Variants in C2CD3 observed in about 807,000 individuals in gnomAD.
The protein encoded by C2CD3 is C2 domain containing 3 centriole elongation regulator, also known as C2 domain-containing protein 3.
In C2CD3, 148 loss-of-function variants were observed where a neutral mutation model predicts 234.0. The ratio of observed to expected loss-of-function variants is 0.63; its 90% CI spans 0.55 to 0.72. C2CD3 has a LOEUF of 0.72. Among genes scored for constraint, C2CD3 ranks in the 30% least tolerant of loss-of-function variants. The probability of loss-of-function intolerance (pLI) is 0.00; values close to 1 mark genes in which losing one functional copy is unlikely to be tolerated. For missense variants in C2CD3, 2,577 were observed against 2,811.5 expected, an observed-to-expected ratio of 0.92 and a Z score of 1.89; for synonymous variants, 1,000 against 1,035.4, an observed-to-expected ratio of 0.97 and a Z score of 0.66.
chr11:74,048,166 T>C (rs772439059), intron 28 of C2CD3, 39 bp downstream of exon 28: 4 of 1,603,034 alleles, frequency 2.5e-6, no homozygotes, highest in Non-Finnish European at 3.4e-6. Flanking sequence ...ACTTCCATTT[T>C]TTAACCCCAT....
intron 14 of C2CD3, among the ~76,000 whole-genome samples, chr11:74,101,094 C>A (rs1254784821): frequency 6.6e-6 from 1 of 152,208 alleles, no homozygotes; most frequent in Non-Finnish European, 1.5e-5. Flanking sequence ...CAAAGGGCAG[C>A]CAATTCACTG....
In C2CD3 at chr11:74,093,879, A is replaced by G; in HGVS notation, c.3281T>C (p.Leu1094Pro). The change falls in exon 18 of 33, where the codon CTA becomes CCA. Residue 1094 changes from leucine (L) to proline (P), a missense_variant. Transcript: ENST00000334126. The part of the protein sequence containing the change: ...PAEVPVQRLL[L>P]SAFSAQGLVP... ...GAGGCCCTGTGCAGAGAAAGCACTT[A>G]GTAGGAGCCTTTGCACTGGAACCTC... 1.2e-6 allele frequency: 2 copies of G among 1,614,120 alleles called. No individual in the cohort carries two copies. Among genetic ancestry groups the G allele is most frequent in the Non-Finnish European group, 1.7e-6 (2 of 1,179,974 alleles).
intron 32 of C2CD3, among the ~76,000 whole-genome samples, chr11:74,020,432 C>G (rs991466286): frequency 4.6e-5 from 7 of 152,218 alleles, no homozygotes; most frequent in Admixed American, 3.9e-4. Context: ...CTTAAGCCAC[C>G]CCACATGGCT....
intron 31 of C2CD3, among the ~76,000 whole-genome samples, chr11:74,030,454 A>C (rs1263588375): frequency 6.6e-6 from 1 of 152,156 alleles, no homozygotes; most frequent in Non-Finnish European, 1.5e-5. Context: ...CCAGTGATAC[A>C]TGTCAGCCAC....
Position 74,028,376 on chromosome 11 carries a change from T to A in C2CD3, c.6832A>T (p.Asn2278Tyr), listed in dbSNP as rs1183135503. The change falls in exon 32 of 33, where the codon AAC becomes TAC. Residue 2278 changes from asparagine (N) to tyrosine (Y), a missense_variant. Asn to Tyr is a moderately radical substitution (Grantham distance 143). Transcript: ENST00000334126. Reference sequence around the variant, plus strand: ...AACTGCTGGGGAGGCAAAAAGAAGTTGGGCACCACAATGGGCCCTGGGCTA... The same window carrying A: ...AACTGCTGGGGAGGCAAAAAGAAGTAGGGCACCACAATGGGCCCTGGGCTA... ...LLLPGPIVVP[N>Y]FFLPPQQLEA... 3 of 1,535,970 alleles carry A rather than the reference T, an allele frequency of 2.0e-6. No homozygotes were observed. The South Asian group carries it at 3.6e-5, about 18-fold the overall frequency.
chr11:74,170,264 C>T (rs1857083358), intron 1 of C2CD3, among the ~76,000 whole-genome samples: 1 of 152,042 alleles, frequency 6.6e-6, no homozygotes, highest in Admixed American at 6.5e-5. Flanking sequence ...CATAGTCAGC[C>T]CTTCATACTT....
chr11:74,134,699 C>T (rs977460391), intron 5 of C2CD3, among the ~76,000 whole-genome samples: 6 of 151,922 alleles, frequency 3.9e-5, no homozygotes, highest in Non-Finnish European at 5.9e-5. Context: ...AGAAAAAAAA[C>T]AAGTCAAATA....
chr11:74,154,592 G>C (rs1245967536), intron 3 of C2CD3, among the ~76,000 whole-genome samples: 1 of 152,120 alleles, frequency 6.6e-6, no homozygotes, highest in Admixed American at 6.5e-5. Flanking sequence ...AAAGTATCGG[G>C]GGTTGATACA....
intron 32 of C2CD3, among the ~76,000 whole-genome samples, chr11:74,022,128 A>T (rs975748737): frequency 6.7e-6 from 1 of 148,828 alleles, no homozygotes; most frequent in Non-Finnish European, 1.5e-5. Flanking sequence ...CGTCTCGGGG[A>T]AAAAAAAAAG....
rs759151996 is a variant in C2CD3, at chr11:74,049,546, T to C, written c.5156-4A>G. ...AAGCCAATCACCCTCTCCTCATCTGTAGAGGAAAGAGAAGAGCTGGGCAAT... is the reference window on the plus strand; with the variant it reads ...AAGCCAATCACCCTCTCCTCATCTGCAGAGGAAAGAGAAGAGCTGGGCAAT... On this transcript the variant is annotated splice_region_variant and splice_polypyrimidine_tract_variant and intron_variant, in intron 26 of 32. Transcript: ENST00000334126. The C allele has an allele frequency of 5.6e-6, 9 of 1,609,294 alleles. No individual in the cohort carries two copies. The South Asian group carries it at 8.8e-5, about 16-fold the overall frequency.
At chr11:74,124,668 C>T (rs918081948) in intron 7 of C2CD3, among the ~76,000 whole-genome samples, 4 of 152,204 alleles carry the variant, frequency 2.6e-5, no homozygotes, top group African/African-American at 4.8e-5. Flanking sequence ...ACTTCCCAGT[C>T]GACATGGCCT....
At chr11:74,117,528 A>AAGCAAAGC (rs1957066236) in intron 9 of C2CD3, among the ~76,000 whole-genome samples, 1 of 151,588 alleles carries the variant, frequency 6.6e-6, no homozygotes, top group Admixed American at 6.6e-5. Context: ...TCATAAGTGG[A>AAGCAAAGC]AGCAAAGCTA....
At chr11:74,079,138 A>G (rs910456930) in intron 22 of C2CD3, among the ~76,000 whole-genome samples, 4 of 152,246 alleles carry the variant, frequency 2.6e-5, no homozygotes, top group Admixed American at 1.3e-4. Flanking sequence ...TGAGTGCAAC[A>G]GAAAAGGCAG....
chr11:74,037,419 C>T (rs918132258), intron 30 of C2CD3, 59 bp downstream of exon 30: 16 of 1,310,450 alleles, frequency 1.2e-5, no homozygotes, highest in South Asian at 2.4e-5. Context: ...CATTCAAATG[C>T]TTTTTGAATT....
chr11:74,120,578 C>A (rs1247100813), intron 8 of C2CD3, among the ~76,000 whole-genome samples: 1 of 152,174 alleles, frequency 6.6e-6, no homozygotes, highest in African/African-American at 2.4e-5. Flanking sequence ...AATAGTGCCG[C>A]AATAAACATA....
intron 8 of C2CD3, among the ~76,000 whole-genome samples, chr11:74,119,233 T>C (rs1957132664): frequency 6.6e-6 from 1 of 152,164 alleles, no homozygotes; most frequent in Non-Finnish European, 1.5e-5. Context: ...GTCACCATTC[T>C]ATACTACAAA....
chr11:74,059,939 G>A lies in C2CD3; in HGVS notation c.4952-2395C>T, dbSNP rs184613637. Among the ~76,000 whole-genome samples, 302 of 152,280 alleles carry A rather than the reference G, an allele frequency of 2.0e-3. 2 individuals are homozygous for A. The highest frequency in any genetic ancestry group is 6.7e-3 in the African/African-American group (279 of 41,544). ...CACCCTAATACTGCACTTTTCCAAC[G>A]GCCTTAGCAAACGGCACACCAGGAG... On this transcript the variant is annotated intron_variant, in intron 24 of 32. Coordinates refer to ENST00000334126, the MANE Select transcript of C2CD3 (RefSeq NM_001286577.2).
intron 3 of C2CD3, among the ~76,000 whole-genome samples, chr11:74,146,088 A>C (rs1304949423): frequency 6.6e-6 from 1 of 152,252 alleles, no homozygotes; most frequent in Non-Finnish European, 1.5e-5. Flanking sequence ...AAATAATGAA[A>C]ACTGAATAAA....
intron 28 of C2CD3, among the ~76,000 whole-genome samples, chr11:74,043,505 C>G (rs746927088): frequency 6.7e-6 from 1 of 148,916 alleles, no homozygotes; most frequent in Non-Finnish European, 1.5e-5. Flanking sequence ...AAACTAGAAG[C>G]AGAATTACTG....
Sources: allele counts gnomAD v4.1 joint callset (sites outside exome capture counted in the v4.1 genomes callset), GRCh38; gene constraint gnomAD v4.1.1; transcripts MANE v1.5; gene names NCBI Gene and HGNC (gene_info 2026-07-23, HGNC 2026-07-21).